Variants in ABCG1 observed in about 807,000 individuals in gnomAD.
ABCG1 encodes ATP-binding cassette sub-family G member 1.
A neutral mutation model predicts 69.2 loss-of-function variants in ABCG1; 29 were observed. The ratio of observed to expected loss-of-function variants is 0.42; its 90% confidence interval spans 0.31 to 0.57. The LOEUF (loss-of-function observed/expected upper bound fraction) is 0.57. Among genes scored for constraint, ABCG1 ranks in the 20% least tolerant of loss-of-function variants. ABCG1 has a pLI of 0.15. For synonymous variants in ABCG1, 370 were observed against 374.8 expected, an observed-to-expected ratio of 0.99 and a Z score of 0.15; for missense variants, 718 against 898.1, an observed-to-expected ratio of 0.80 and a Z score of 2.56.
At chr21:42,282,556 A>T (rs927351633) in intron 6 of ABCG1, 137 bp downstream of exon 6, 11 of 1,020,000 alleles carry the variant, frequency 1.1e-5, no homozygotes, top group African/African-American at 4.9e-5. Flanking sequence ...TCCTCCTTCC[A>T]TCTGGGACCA....
chr21:42,218,475 C>CT (rs145316507), upstream of ABCG1, among the ~76,000 whole-genome samples: 3,328 of 149,246 alleles, frequency 0.022, 121 homozygotes, highest in African/African-American at 0.081. Context: ...TGAGGCTTTT[C>CT]TTTTTTTGTT....
At chr21:42,236,375 G>T (rs112145654) in intron 2 of ABCG1, among the ~76,000 whole-genome samples, 1,760 of 152,312 alleles carry the variant, frequency 0.012, 33 homozygotes, top group African/African-American at 0.04. Flanking sequence ...ATTTCCATCA[G>T]CTGTACTGTG....
chr21:42,237,464 T>G (rs1340160540), intron 2 of ABCG1, among the ~76,000 whole-genome samples: 1 of 152,192 alleles, frequency 6.6e-6, no homozygotes, highest in Non-Finnish European at 1.5e-5. Flanking sequence ...AGGAGAGTCT[T>G]TCTTGGTTAC....
intron 7 of ABCG1, 21 bp downstream of exon 7, chr21:42,284,704 C>T (rs775293969): frequency 8.1e-6 from 13 of 1,609,792 alleles, no homozygotes; most frequent in Non-Finnish European, 1.0e-5. Flanking sequence ...CCCGGGCCCT[C>T]CCCGCCAGAT....
chr21:42,218,566 G>T (rs909452019), upstream of ABCG1, among the ~76,000 whole-genome samples: 1 of 152,210 alleles, frequency 6.6e-6, no homozygotes, highest in Non-Finnish European at 1.5e-5. Context: ...CATGGCTGGC[G>T]CACAGCAATG....
At chr21:42,259,182 G>C (rs1175889436) in intron 2 of ABCG1, 2 of 1,397,320 alleles carry the variant, frequency 1.4e-6, no homozygotes, top group Non-Finnish European at 1.9e-6. Context: ...GTGTGAGAGA[G>C]ACGACATTGC....
chr21:42,283,641 A>G (rs1200966800), intron 6 of ABCG1, among the ~76,000 whole-genome samples: 2 of 150,720 alleles, frequency 1.3e-5, no homozygotes, highest in Admixed American at 6.6e-5. Context: ...CTGCCTGGAC[A>G]GTTGTGAAGT....
At chr21:42,221,516 A>G (rs1207286437) in intron 1 of ABCG1, among the ~76,000 whole-genome samples, 2 of 152,172 alleles carry the variant, frequency 1.3e-5, no homozygotes, top group African/African-American at 4.8e-5. Context: ...AAGGGGTGGC[A>G]AATGCGTCCA....
intron 2 of ABCG1, among the ~76,000 whole-genome samples, chr21:42,244,180 T>C (rs1016072156): frequency 1.3e-5 from 2 of 152,134 alleles, no homozygotes; most frequent in African/African-American, 4.8e-5. Flanking sequence ...TCACTGTAAG[T>C]GATAAAATTA....
upstream of ABCG1, among the ~76,000 whole-genome samples, chr21:42,217,547 G>A (rs780343924): frequency 6.6e-6 from 1 of 152,072 alleles, no homozygotes; most frequent in Non-Finnish European, 1.5e-5. Flanking sequence ...AGCTTTGCTG[G>A]CCTCCCTGCA....
At chr21:42,221,410 G>A (rs956838060) in intron 1 of ABCG1, 2 of 152,252 alleles carry the variant, frequency 1.3e-5, no homozygotes, top group East Asian at 1.9e-4. Context: ...GTCCATCCTG[G>A]TGTGGACCCT....
intron 2 of ABCG1, among the ~76,000 whole-genome samples, chr21:42,268,396 C>T (rs866166710): frequency 2.8e-4 from 26 of 91,720 alleles, no homozygotes; most frequent in South Asian, 6.5e-4. Context: ...TGTGCGCGCG[C>T]GCGCTGGATA....
intron 2 of ABCG1, among the ~76,000 whole-genome samples, chr21:42,247,764 G>A (rs1017533971): frequency 6.6e-6 from 1 of 152,218 alleles, no homozygotes; most frequent in Non-Finnish European, 1.5e-5. Context: ...TCTTACAAGA[G>A]AAGAAGAGAA....
chr21:42,226,029 C>A (rs570078286), intron 2 of ABCG1, 115 bp downstream of exon 2: 1 of 1,201,038 alleles, frequency 8.3e-7, no homozygotes, highest in Non-Finnish European at 1.2e-6. Flanking sequence ...CTCTTCCCAA[C>A]GCCGTCACTG....
intron 2 of ABCG1, among the ~76,000 whole-genome samples, chr21:42,206,116 T>C (rs1024595066): frequency 1.5e-4 from 23 of 152,100 alleles, no homozygotes; most frequent in Non-Finnish European, 2.6e-4. Flanking sequence ...CCCAGCACTT[T>C]GGGAGGCTGA....
chr21:42,210,353 C>T (rs2067576783), intron 2 of ABCG1, among the ~76,000 whole-genome samples: 1 of 151,970 alleles, frequency 6.6e-6, no homozygotes, highest in Non-Finnish European at 1.5e-5. Context: ...ACAGTGGTTC[C>T]AGTTACTTCC....
chr21:42,294,920 T>C, intron 14 of ABCG1: 1 of 439,246 alleles, frequency 2.3e-6, no homozygotes, highest in East Asian at 4.3e-5. Context: ...GTTCTGGACG[T>C]TGCCGAGAGC....
At chr21:42,259,187 C>T (rs1168944077) in intron 2 of ABCG1, 3 of 1,407,772 alleles carry the variant, frequency 2.1e-6, no homozygotes, top group African/African-American at 2.9e-5. Context: ...AGAGAGACGA[C>T]ATTGCGTTCC....
chr21:42,224,137 A>G (rs1156480767), intron 1 of ABCG1, among the ~76,000 whole-genome samples: 4 of 152,202 alleles, frequency 2.6e-5, no homozygotes, highest in African/African-American at 9.7e-5. Flanking sequence ...GGGGATGGAA[A>G]TGGACACAGG....
Sources: gnomAD v4.1 joint callset for allele counts (sites outside exome capture counted in the v4.1 genomes callset) on GRCh38, gnomAD v4.1.1 for gene constraint, MANE v1.5 for transcripts, NCBI Gene and HGNC (gene_info 2026-07-23, HGNC 2026-07-21) for gene names.